Variants in ETNK2 observed in about 807,000 individuals in gnomAD.
ETNK2 encodes the protein ethanolamine kinase 2.
In ETNK2, 33 loss-of-function variants were observed where a neutral mutation model predicts 46.2. That is an observed-to-expected ratio of 0.71 (90% CI 0.54 to 0.96). ETNK2 has a LOEUF of 0.96. ETNK2 is among the 40% of genes least tolerant of loss of function. ETNK2 has a pLI of 0.00. For missense variants in ETNK2, 445 were observed against 509.7 expected, an observed-to-expected ratio of 0.87 and a Z score of 1.22; for synonymous variants, 194 against 209.0, an observed-to-expected ratio of 0.93 and a Z score of 0.62.
chr1:204,151,552 C>A lies in ETNK2; in HGVS notation c.258+43G>T. The A allele has an allele frequency of 1.3e-6, 2 of 1,547,512 alleles. No individual in the cohort carries two copies. On this transcript the variant is annotated intron_variant, in intron 1 of 7. Transcript: ENST00000367202. This position sits in a 1 kb window ranked among gnomAD's most constrained non-coding sequence, Gnocchi z 8.0. Reference sequence around the variant, plus strand: ...CTGGGTCCCCGCATCCCCCTGGCAGCCCTGGCAGGACCCCATCCTCGGCCC... The same window carrying A: ...CTGGGTCCCCGCATCCCCCTGGCAGACCTGGCAGGACCCCATCCTCGGCCC...
Position 204,149,930 on chromosome 1 carries a change from C to T in ETNK2, c.291G>A (p.Val97=). ...RFTDGITNKL[V]ACYVEEDMQD... is the part of the protein sequence containing the mutation. Reference sequence around the variant, plus strand: ...GCATGTCCTCCTCCACATAGCAGGCCACCAGCTTGTTGGTGATGCCATCCG... The same window carrying T: ...GCATGTCCTCCTCCACATAGCAGGCTACCAGCTTGTTGGTGATGCCATCCG... Residue 97 remains valine, a synonymous_variant, in exon 2 of 8, where the codon GTG becomes GTA. Transcript: ENST00000367202. 2 of 1,435,644 alleles carry T rather than the reference C, an allele frequency of 1.4e-6. No individual in the cohort carries two copies. The highest frequency in any genetic ancestry group is 1.5e-5 in the African/African-American group (1 of 68,898). 88.9% of individuals were successfully genotyped at this position (1,435,644 alleles called of 1,614,324 possible). A position where few individuals can be genotyped will look rare whatever the true frequency, so the allele number is the denominator to read the frequency against.
intron 7 of ETNK2, 112 bp downstream of exon 7, chr1:204,134,403 A>G: frequency 8.2e-7 from 1 of 1,220,348 alleles, no homozygotes; most frequent in Non-Finnish European, 1.1e-6. Flanking sequence ...GCGAGTCAGC[A>G]GAGCAGGGGA....
chr1:204,147,508 G>C (rs1319909466), intron 2 of ETNK2: 1 of 533,320 alleles, frequency 1.9e-6, no homozygotes, highest in Admixed American at 1.9e-5. Flanking sequence ...CCGAGGCCCT[G>C]TGTCCCAGCT....
intron 2 of ETNK2, among the ~76,000 whole-genome samples, chr1:204,148,948 G>A (rs548727950): frequency 4.8e-4 from 73 of 152,302 alleles, no homozygotes; most frequent in Middle Eastern, 6.8e-3. Flanking sequence ...AGTGCCCTCC[G>A]TGTGGGTCAT....
chr1:204,139,088 A>G (rs1657398436), intron 5 of ETNK2, among the ~76,000 whole-genome samples: 1 of 152,198 alleles, frequency 6.6e-6, no homozygotes, highest in South Asian at 2.1e-4. Flanking sequence ...AGGGGCACAG[A>G]GAAGGTAAAT....
In ETNK2 at chr1:204,149,889, A is replaced by G; in HGVS notation, c.332T>C (p.Val111Ala). 1.3e-6 allele frequency: 2 copies of G among 1,582,736 alleles called. No homozygotes were observed. The highest frequency in any genetic ancestry group is 1.7e-6 in the Non-Finnish European group (2 of 1,164,958). ...CTCCGTCCGCTCCCCATACACCCGG[A>G]CCAGCACGCAGTCCTGCATGTCCTC... ...VEEDMQDCVLVRVYGERTELL... is the reference protein window; with the variant it reads ...VEEDMQDCVLARVYGERTELL... Residue 111 changes from valine to alanine, a missense_variant, in exon 2 of 8, where the codon GTC becomes GCC. Val to Ala is a moderately conservative substitution (Grantham distance 64). Transcript: ENST00000367202.
chr1:204,149,953 C>G lies in ETNK2; in HGVS notation c.268G>C (p.Asp90His). The change falls in exon 2 of 8, where the codon GAT becomes CAT. Residue 90 changes from aspartate (D) to histidine (H), a missense_variant. Coordinates refer to ENST00000367202, the MANE Select transcript of ETNK2 (RefSeq NM_018208.4). ...PEQVRTKRFT[D>H]GITNKLVACY... ...GCCACCAGCTTGTTGGTGATGCCAT[C>G]CGTGAAGCGCTAGCATGGGGAGAGG... is the stretch of plus-strand genomic sequence containing the variant. 7.7e-7 allele frequency: 1 copy of G among 1,299,990 alleles called. No homozygotes were observed. Among genetic ancestry groups the G allele is most frequent in the Non-Finnish European group, 1.0e-6 (1 of 989,448 alleles). The allele number at this position is 1,299,990 out of a possible 1,614,324, so 80.5% of individuals were successfully genotyped here.
At chr1:204,146,604 A>AT (rs939540846) in intron 3 of ETNK2, 38 bp downstream of exon 3, 2 of 1,611,882 alleles carry the variant, frequency 1.2e-6, no homozygotes, top group African/African-American at 2.7e-5. Flanking sequence ...AAGGGAGATC[A>AT]TATTAAGGCA....
chr1:204,141,834 C>G, intron 3 of ETNK2: 1 of 201,824 alleles, frequency 5.0e-6, no homozygotes, highest in East Asian at 1.2e-4. Flanking sequence ...AGACTAAGAA[C>G]AAGGGCAACA....
In ETNK2 at chr1:204,132,193, C is replaced by G; in HGVS notation, c.1152G>C (p.Met384Ile). 3.8e-6 allele frequency: 6 copies of G among 1,571,864 alleles called. No homozygotes were observed. Among genetic ancestry groups the G allele is most frequent in the South Asian group, 1.2e-5 (1 of 85,194 alleles). The change falls in exon 8 of 8, where the codon ATG (methionine) becomes ATC (isoleucine). Residue 384 changes from methionine (M) to isoleucine (I), a missense_variant. Transcript: ENST00000367202. ...GGGATGGGGTGGCTGGTCACTTTGGCATCTCCAAGGCTGACGCTTGAGGCT... is the reference window on the plus strand; with the variant it reads ...GGGATGGGGTGGCTGGTCACTTTGGGATCTCCAAGGCTGACGCTTGAGGCT... ...KVKPQASALE[M>I]PK
At chr1:204,142,425 C>T (rs1657590175) in intron 3 of ETNK2, among the ~76,000 whole-genome samples, 1 of 152,176 alleles carries the variant, frequency 6.6e-6, no homozygotes, top group Non-Finnish European at 1.5e-5. Context: ...AAGAAATCAG[C>T]CAATCAATCA....
intron 2 of ETNK2, chr1:204,147,559 C>G (rs1460751092): frequency 1.9e-6 from 1 of 533,006 alleles, no homozygotes; most frequent in African/African-American, 1.9e-5. Context: ...TTCCGCTGTC[C>G]CACCCCCCAA....
intron 6 of ETNK2, among the ~76,000 whole-genome samples, chr1:204,136,176 A>G (rs1351125995): frequency 6.6e-6 from 1 of 151,800 alleles, no homozygotes; most frequent in African/African-American, 2.4e-5. Flanking sequence ...TGGGAGGATC[A>G]TTTGAGGCCA....
chr1:204,149,569 A>G, intron 2 of ETNK2, 134 bp downstream of exon 2: 1 of 1,124,960 alleles, frequency 8.9e-7, no homozygotes, highest in Non-Finnish European at 1.2e-6. Flanking sequence ...CAATGCATAT[A>G]AACATGCATT....
At position 204,151,192 on chromosome 1, in the gene ETNK2, A is replaced by C. The variant is rs1269971062; in HGVS notation, c.258+403T>G. ...TGGGGTGGAGAAGGGGCAGCAATGT[A>C]TGCATGTATGGCTGGGTCGGGGGGG... is the stretch of plus-strand genomic sequence containing the variant. On this transcript the variant is annotated intron_variant, in intron 1 of 7. Coordinates refer to ENST00000367202, the MANE Select transcript of ETNK2 (RefSeq NM_018208.4). The surrounding 1 kb of genome is among the most constrained non-coding windows in gnomAD (Gnocchi z 8.0). 1.7e-5 allele frequency: 5 copies of C among 296,172 alleles called. No individual in the cohort carries two copies. In the Middle Eastern group the frequency reaches 3.1e-3, roughly 182 times the overall value. The allele number at this position is 296,172 out of a possible 1,614,324, so 18.3% of individuals were successfully genotyped here.
Position 204,146,732 on chromosome 1 carries a change from G to A in ETNK2, c.551C>T (p.Thr184Ile), listed in dbSNP as rs2102300463. The A allele has an allele frequency of 6.2e-7, 1 of 1,614,050 alleles. No homozygotes were observed. Among genetic ancestry groups the A allele is most frequent in the Non-Finnish European group, 8.5e-7 (1 of 1,179,900 alleles). Reference sequence around the variant, plus strand: ...GGGCAGGCTGCCGTTGGCGTGGATAGTATGAATCTTTGCCATTTCTAAGGC... The same window carrying A: ...GGGCAGGCTGCCGTTGGCGTGGATAATATGAATCTTTGCCATTTCTAAGGC... ...LIALEMAKIH[T>I]IHANGSLPKP... Residue 184 changes from threonine to isoleucine, a missense_variant, in exon 3 of 8, where the codon ACT becomes ATT. Transcript: ENST00000367202.
At position 204,151,954 on chromosome 1, in the gene ETNK2, A is replaced by C; in HGVS notation, c.-102T>G. 11 of 1,246,854 alleles carry C rather than the reference A, an allele frequency of 8.8e-6. 2 individuals carry two copies. In the South Asian group the frequency reaches 2.2e-4, roughly 25 times the overall value. 77.2% of individuals were successfully genotyped at this position (1,246,854 alleles called of 1,614,324 possible). ...GTAGAGGAGGGGCCAGGGGAAGTCC[A>C]TGACTCAGGCGCGAGCTGCCCGCTT... On this transcript the variant is annotated 5_prime_UTR_variant, in exon 1 of 8. It removes an upstream start codon present in the reference 5' UTR. Transcript: ENST00000367202. This position sits in a 1 kb window ranked among gnomAD's most constrained non-coding sequence, Gnocchi z 8.0.
chr1:204,149,867 C>G lies in ETNK2; in HGVS notation c.354G>C (p.Thr118=). The G allele has an allele frequency of 1.3e-6, 2 of 1,595,528 alleles. No individual in the cohort carries two copies. Among genetic ancestry groups the G allele is most frequent in the Non-Finnish European group, 1.7e-6 (2 of 1,171,244 alleles). Residue 118 remains threonine (T), a synonymous_variant, in exon 2 of 8, where the codon ACG becomes ACC. Transcript: ENST00000367202. ...CVLVRVYGER[T]ELLVDRENEV... is the part of the protein sequence containing the mutation. ...CATTCTCCCGGTCCACCAGCAGCTCCGTCCGCTCCCCATACACCCGGACCA... is the reference window on the plus strand; with the variant it reads ...CATTCTCCCGGTCCACCAGCAGCTCGGTCCGCTCCCCATACACCCGGACCA...
intron 6 of ETNK2, among the ~76,000 whole-genome samples, chr1:204,135,105 A>ACCTCCTCCACTCCTTTTC (rs1194648953): frequency 6.6e-6 from 1 of 151,802 alleles, no homozygotes; most frequent in East Asian, 1.9e-4. Flanking sequence ...CCCTACACTA[A>ACCTCCTCCACTCCTTTTC]CCTCCTCCAC....
Sources: allele counts gnomAD v4.1 joint callset (sites outside exome capture counted in the v4.1 genomes callset), GRCh38; gene constraint gnomAD v4.1.1; non-coding constraint Gnocchi (gnomAD v3.1); transcripts MANE v1.5; gene names NCBI Gene and HGNC (gene_info 2026-07-23, HGNC 2026-07-21).